The following CACNA2D1 variants were observed in gnomAD, a reference collection of about 807,000 sequenced individuals.
The protein encoded by CACNA2D1 is calcium voltage-gated channel auxiliary subunit alpha2delta 1, also known as voltage-dependent calcium channel subunit alpha-2/delta-1.
In CACNA2D1, 53 loss-of-function variants were observed where a neutral mutation model predicts 171.5. The ratio of observed to expected loss-of-function variants is 0.31; its 90% CI spans 0.25 to 0.39. The LOEUF (loss-of-function observed/expected upper bound fraction) is 0.39. Ranked by LOEUF, CACNA2D1 falls within the 10% of genes least tolerant of loss-of-function variation. The probability of loss-of-function intolerance (pLI) is 1.00; values close to 1 mark genes in which losing one functional copy is unlikely to be tolerated. For synonymous variants in CACNA2D1, 442 were observed against 443.1 expected, an observed-to-expected ratio of 1.00 and a Z score of 0.03; for missense variants, 903 against 1,299.8, an observed-to-expected ratio of 0.69 and a Z score of 4.69.
intron 1 of CACNA2D1, among the ~76,000 whole-genome samples, chr7:82,358,307 A>C (rs2129446882): frequency 6.6e-6 from 1 of 152,324 alleles, no homozygotes; most frequent in South Asian, 2.1e-4. Context: ...TTCGCTAAAT[A>C]TGCTTTTCTT....
At chr7:82,342,281 T>C (rs896529953) in intron 2 of CACNA2D1, among the ~76,000 whole-genome samples, 5 of 152,182 alleles carry the variant, frequency 3.3e-5, no homozygotes, top group Non-Finnish European at 7.3e-5. Flanking sequence ...TATTTTCTAT[T>C]CCCCTTCACC....
chr7:82,221,774 C>CAAAA (rs34604173), intron 3 of CACNA2D1, among the ~76,000 whole-genome samples: 2 of 125,362 alleles, frequency 1.6e-5, no homozygotes, highest in East Asian at 2.2e-4. Context: ...TCACTGTTAC[C>CAAAA]AAAAAAAAAA....
intron 4 of CACNA2D1, among the ~76,000 whole-genome samples, chr7:82,148,649 T>C (rs757214920): frequency 6.6e-6 from 1 of 152,294 alleles, no homozygotes; most frequent in Non-Finnish European, 1.5e-5. Flanking sequence ...TGTTTTTTGT[T>C]TTTTTGGAGA....
At chr7:82,196,760 C>T (rs749590789) in intron 3 of CACNA2D1, among the ~76,000 whole-genome samples, 9 of 150,608 alleles carry the variant, frequency 6.0e-5, no homozygotes, top group African/African-American at 1.2e-4. Flanking sequence ...TAGATAAAGA[C>T]GATTCAGGAT....
chr7:82,172,616 CTTTTTTTTTTT>C (rs55737158), intron 3 of CACNA2D1, among the ~76,000 whole-genome samples: 1 of 64,510 alleles, frequency 1.6e-5, no homozygotes, highest in East Asian at 5.3e-4. Flanking sequence ...AGAAACCCGG[CTTTTTTTTTTT>C]TTTTTTTTTT....
At chr7:81,992,139 AG>A (rs1797614824) in intron 20 of CACNA2D1, among the ~76,000 whole-genome samples, 1 of 151,486 alleles carries the variant, frequency 6.6e-6, no homozygotes, top group Admixed American at 6.6e-5. Context: ...CACCGCTCTC[AG>A]CCGCTGGCAC....
At chr7:82,165,962 C>A (rs1042762234) in intron 4 of CACNA2D1, among the ~76,000 whole-genome samples, 2 of 151,954 alleles carry the variant, frequency 1.3e-5, no homozygotes, top group Admixed American at 6.6e-5. Context: ...TCAGTTCTTT[C>A]AATATCCAAG....
rs1197584824 is a variant in CACNA2D1, at chr7:81,959,395, T to C, written c.3077-38A>G. ...TGTTAAGGAATCTCATGTTAGTTTT[T>C]TTCACATGATTAAAAATAAATACAA... On this transcript the variant is annotated intron_variant, in intron 37 of 38. Transcript: ENST00000356860. The C allele has an allele frequency of 3.7e-6, 5 of 1,343,724 alleles. No individual in the cohort carries two copies. The South Asian group carries it at 5.8e-5, about 16-fold the overall frequency. The allele number at this position is 1,343,724 out of a possible 1,614,324, so 83.2% of individuals were successfully genotyped here.
chr7:82,443,124 CG>C (rs994994039), intron 1 of CACNA2D1, among the ~76,000 whole-genome samples: 2 of 152,112 alleles, frequency 1.3e-5, no homozygotes, highest in Admixed American at 6.5e-5. Context: ...GGGCGCTTCC[CG>C]GGACAGTCGG....
chr7:82,253,300 GA>G (rs1246580242), intron 3 of CACNA2D1, among the ~76,000 whole-genome samples: 3 of 152,154 alleles, frequency 2.0e-5, no homozygotes, highest in Non-Finnish European at 4.4e-5. Context: ...TCTAAAGCAA[GA>G]AGACAGAAAC....
At position 81,949,475 on chromosome 7, in the gene CACNA2D1, A is replaced by C. The variant is rs1244227200; in HGVS notation, c.*917T>G. Reference sequence around the variant, plus strand: ...TAAGAGAAAAAACAACTGAAAAGTTAAAATAGCAGCAGCATCATGCAAAAT... The same window carrying C: ...TAAGAGAAAAAACAACTGAAAAGTTCAAATAGCAGCAGCATCATGCAAAAT... On this transcript the variant is annotated 3_prime_UTR_variant, in exon 39 of 39. Coordinates refer to ENST00000356860, the MANE Select transcript of CACNA2D1 (RefSeq NM_000722.4). 6.6e-6 allele frequency: 1 copy of C among 152,150 alleles called. No homozygotes were observed. Among genetic ancestry groups the C allele is most frequent in the Non-Finnish European group, 1.5e-5 (1 of 68,016 alleles). 9.4% of individuals were successfully genotyped at this position (152,150 alleles called of 1,614,324 possible).
intron 1 of CACNA2D1, among the ~76,000 whole-genome samples, chr7:82,427,443 A>G (rs1829295020): frequency 1.3e-5 from 2 of 152,234 alleles, no homozygotes; most frequent in Admixed American, 6.5e-5. Flanking sequence ...GGATAGTGCT[A>G]AAGCCAGAAA....
At chr7:82,039,159 G>A (rs1803654530) in intron 10 of CACNA2D1, among the ~76,000 whole-genome samples, 1 of 152,022 alleles carries the variant, frequency 6.6e-6, no homozygotes, top group Non-Finnish European at 1.5e-5. Context: ...AAAAGGGACT[G>A]GCCAGATAAA....
At chr7:82,154,079 G>T (rs1346007769) in intron 4 of CACNA2D1, among the ~76,000 whole-genome samples, 2 of 152,064 alleles carry the variant, frequency 1.3e-5, no homozygotes, top group Non-Finnish European at 2.9e-5. Flanking sequence ...TTTTTGCCAT[G>T]AGCAATAAGC....
Position 81,950,338 on chromosome 7 carries a change from C to A in CACNA2D1, c.*54G>T. The A allele has an allele frequency of 6.2e-7, 1 of 1,612,482 alleles. No individual in the cohort carries two copies. ...TACGTTACTGTAATTGAGGGCAGGG[C>A]TCATGTTTTGGCAGGGTCTGGAGTT... On this transcript the variant is annotated 3_prime_UTR_variant, in exon 39 of 39. Coordinates refer to ENST00000356860, the MANE Select transcript of CACNA2D1 (RefSeq NM_000722.4).
intron 3 of CACNA2D1, among the ~76,000 whole-genome samples, chr7:82,299,755 G>A (rs183897057): frequency 1.8e-4 from 27 of 151,636 alleles, no homozygotes; most frequent in African/African-American, 6.0e-4. Flanking sequence ...TTTATTATAT[G>A]AGTAGCAATC....
chr7:82,136,168 A>G (rs1462197762), intron 5 of CACNA2D1, among the ~76,000 whole-genome samples: 1 of 152,220 alleles, frequency 6.6e-6, no homozygotes, highest in East Asian at 1.9e-4. Flanking sequence ...TTTGTTTCAA[A>G]GACTGTACAA....
At chr7:82,278,535 G>T (rs1372190803) in intron 3 of CACNA2D1, among the ~76,000 whole-genome samples, 1 of 133,032 alleles carries the variant, frequency 7.5e-6, no homozygotes, top group South Asian at 2.4e-4. Context: ...TCCAGCCTGA[G>T]AGACAGAGTG....
chr7:81,962,872 C>T (rs750719449), intron 34 of CACNA2D1, among the ~76,000 whole-genome samples: 3 of 152,068 alleles, frequency 2.0e-5, no homozygotes, highest in Non-Finnish European at 2.9e-5. Context: ...GGGTTTCCCC[C>T]GCCCCCAACA....
Sources: gnomAD v4.1 joint callset for allele counts (sites outside exome capture counted in the v4.1 genomes callset) on GRCh38, gnomAD v4.1.1 for gene constraint, MANE v1.5 for transcripts, NCBI Gene and HGNC (gene_info 2026-07-23, HGNC 2026-07-21) for gene names.